MAP3K21: variants seen among roughly 807,000 people sequenced by gnomAD.
The protein encoded by MAP3K21 is mitogen-activated protein kinase kinase kinase MLK4.
A neutral mutation model predicts 86.1 loss-of-function variants in MAP3K21; 63 were observed. That is an observed-to-expected ratio of 0.73 (90% CI 0.60 to 0.90). The LOEUF is 0.90. Among genes scored for constraint, MAP3K21 ranks in the 40% least tolerant of loss-of-function variants. MAP3K21 has a pLI of 0.00. For synonymous variants in MAP3K21, 558 were observed against 564.8 expected (o/e 0.99, Z 0.17); for missense variants, 1,220 against 1,367.7 (o/e 0.89, Z 1.70).
At chr1:233,352,894 G>C (rs1051544770) in intron 2 of MAP3K21, among the ~76,000 whole-genome samples, 1 of 152,372 alleles carries the variant, frequency 6.6e-6, no homozygotes, top group Middle Eastern at 3.4e-3. Flanking sequence ...CTAAGGTACT[G>C]ACTTGGATAG....
chr1:233,338,053 T>C (rs1022545894), intron 1 of MAP3K21, among the ~76,000 whole-genome samples: 1 of 152,250 alleles, frequency 6.6e-6, no homozygotes, highest in African/African-American at 2.4e-5. Flanking sequence ...TATGCTTTAT[T>C]ATGTACCTTG....
intron 2 of MAP3K21, among the ~76,000 whole-genome samples, chr1:233,348,746 CT>C (rs1375292936): frequency 2.6e-5 from 4 of 151,900 alleles, no homozygotes; most frequent in African/African-American, 4.8e-5. Flanking sequence ...TTTGTTATTA[CT>C]TTTTTTTCCC....
intron 1 of MAP3K21, among the ~76,000 whole-genome samples, chr1:233,332,440 G>A (rs1451464479): frequency 3.3e-5 from 5 of 152,096 alleles, no homozygotes; most frequent in Non-Finnish European, 5.9e-5. Flanking sequence ...CCATATTGGA[G>A]GCCTAAGGAG....
intron 4 of MAP3K21, among the ~76,000 whole-genome samples, chr1:233,360,943 G>A (rs1663457143): frequency 6.6e-6 from 1 of 152,246 alleles, no homozygotes; most frequent in Non-Finnish European, 1.5e-5. Context: ...GGCATCTGCA[G>A]TTTCCAACAA....
At chr1:233,339,009 G>T (rs1662966900) in intron 1 of MAP3K21, among the ~76,000 whole-genome samples, 1 of 152,164 alleles carries the variant, frequency 6.6e-6, no homozygotes. Context: ...AGTCCTCGTA[G>T]TCTCCAGTCT....
intron 8 of MAP3K21, among the ~76,000 whole-genome samples, chr1:233,378,500 AC>A (rs1663840875): frequency 6.6e-6 from 1 of 152,214 alleles, no homozygotes; most frequent in Non-Finnish European, 1.5e-5. Context: ...CTGCTACAGA[AC>A]AGTTAGTTTA....
In MAP3K21 at chr1:233,362,173, G is replaced by T; in HGVS notation, c.1432G>T (p.Glu478Ter). Residue 478 changes from glutamate (E) to a stop codon, truncating the protein, a stop_gained, in exon 5 of 10, where the codon GAA becomes TAA. Transcript: ENST00000366624. LOFTEE classifies it high-confidence loss of function. Reference sequence around the variant, plus strand: ...GCGCGAGATCGACGTGCTGGAGCGGGAACTTAACATTCTGATATTCCAGCT... The same window carrying T: ...GCGCGAGATCGACGTGCTGGAGCGGTAACTTAACATTCTGATATTCCAGCT... ...AEREIDVLERELNILIFQLNQ... is the reference protein window; with the variant it reads ...AEREIDVLER 1.2e-6 allele frequency: 2 copies of T among 1,614,200 alleles called. No homozygotes were observed. The highest frequency in any genetic ancestry group is 1.7e-6 in the Non-Finnish European group (2 of 1,180,036).
chr1:233,359,726 T>C (rs544673475), intron 4 of MAP3K21, among the ~76,000 whole-genome samples: 28 of 152,372 alleles, frequency 1.8e-4, no homozygotes, highest in African/African-American at 6.3e-4. Flanking sequence ...GGGATCTGGA[T>C]TTGCCATTAC....
At chr1:233,337,886 A>G (rs1381840340) in intron 1 of MAP3K21, among the ~76,000 whole-genome samples, 1 of 152,200 alleles carries the variant, frequency 6.6e-6, no homozygotes, top group Non-Finnish European at 1.5e-5. Flanking sequence ...GGCATATAGG[A>G]TGTTTGAATT....
Position 233,362,167 on chromosome 1 carries a change from G to C in MAP3K21, c.1426G>C (p.Glu476Gln). 6.2e-7 allele frequency: 1 copy of C among 1,614,220 alleles called. No homozygotes were observed. The highest frequency in any genetic ancestry group is 8.5e-7 in the Non-Finnish European group (1 of 1,180,032). ...QLAEREIDVLERELNILIFQL... is the reference protein window; with the variant it reads ...QLAEREIDVLQRELNILIFQL... ...GGCAGAGCGCGAGATCGACGTGCTG[G>C]AGCGGGAACTTAACATTCTGATATT... The change falls in exon 5 of 10, where the codon GAG (glutamate) becomes CAG (glutamine). Residue 476 changes from glutamate to glutamine, a missense_variant. Physicochemically the swap from Glu to Gln is conservative, Grantham distance 29. This residue lies in a region of MAP3K21 where 632 missense variants were observed against 691.3 expected (regional missense o/e 0.91). Coordinates refer to ENST00000366624, the MANE Select transcript of MAP3K21 (RefSeq NM_032435.3).
chr1:233,335,228 A>G (rs1662890111), intron 1 of MAP3K21, among the ~76,000 whole-genome samples: 1 of 152,088 alleles, frequency 6.6e-6, no homozygotes, highest in Non-Finnish European at 1.5e-5. Context: ...GACCTGGGAG[A>G]GCTGTGATGG....
At chr1:233,378,584 T>C (rs1307596382) in intron 8 of MAP3K21, among the ~76,000 whole-genome samples, 6 of 152,232 alleles carry the variant, frequency 3.9e-5, no homozygotes, top group African/African-American at 1.4e-4. Context: ...GCACATTTGG[T>C]GACATATTTA....
rs1663328491 is a variant in MAP3K21, at chr1:233,355,136, CCTT to C, written c.1311+129_1311+131del. On this transcript the variant is annotated intron_variant, in intron 4 of 9. Transcript: ENST00000366624. ...AGATATCAATATTTGTTGATTCTCA[CCTT>C]CTTTCAGGTTAAAAATAAAACAAAA... 23 of 698,072 alleles carry C rather than the reference CCTT, an allele frequency of 3.3e-5. No homozygotes were observed. In the South Asian group the frequency reaches 5.3e-4, roughly 16 times the overall value. 43.2% of individuals were successfully genotyped at this position (698,072 alleles called of 1,614,324 possible).
chr1:233,377,007 A>G (rs1338986583), intron 8 of MAP3K21, among the ~76,000 whole-genome samples: 2 of 152,142 alleles, frequency 1.3e-5, no homozygotes, highest in African/African-American at 4.8e-5. Flanking sequence ...AGGCAAGAGA[A>G]TCACTTGCAC....
At chr1:233,379,785 A>G in intron 9 of MAP3K21, 75 bp downstream of exon 9, 2 of 1,138,254 alleles carry the variant, frequency 1.8e-6, no homozygotes, top group East Asian at 2.4e-5. Flanking sequence ...TGGATTTATG[A>G]TTTTATCTTT....
rs1046280555 is a variant in MAP3K21 at position 233,383,946 on chromosome 1, A to T, written c.*1235A>T. Reference sequence around the variant, plus strand: ...GAATCACTTTTATGGTCATACATATATGATACAAATCCAGAGTTATTGGTG... The same window carrying T: ...GAATCACTTTTATGGTCATACATATTTGATACAAATCCAGAGTTATTGGTG... On this transcript the variant is annotated 3_prime_UTR_variant, in exon 10 of 10. Coordinates refer to ENST00000366624, the MANE Select transcript of MAP3K21 (RefSeq NM_032435.3). 7 of 152,222 alleles carry T rather than the reference A, an allele frequency of 4.6e-5. No homozygotes were observed. Among genetic ancestry groups the T allele is most frequent in the African/African-American group, 1.7e-4 (7 of 41,464 alleles). 9.4% of individuals were successfully genotyped at this position (152,222 alleles called of 1,614,324 possible).
intron 4 of MAP3K21, 58 bp from the exon 5 acceptor site, chr1:233,361,995 A>G: frequency 6.3e-7 from 1 of 1,580,336 alleles, no homozygotes; most frequent in Non-Finnish European, 8.6e-7. Flanking sequence ...AGTGTAATAG[A>G]CGGAATTCCC....
Position 233,382,549 on chromosome 1 carries a change from C to T in MAP3K21, c.2949C>T (p.Thr983=), listed in dbSNP as rs772374784. 1.2e-6 allele frequency: 2 copies of T among 1,614,108 alleles called. No individual in the cohort carries two copies. Among genetic ancestry groups the T allele is most frequent in the Admixed American group, 3.3e-5 (2 of 60,018 alleles). Residue 983 remains threonine, a synonymous_variant, in exon 10 of 10, where the codon ACC becomes ACT. Transcript: ENST00000366624. ...CVVGRPGPHP[T]QFLAAKERTK... is the part of the protein sequence containing the mutation. ...TGGGTCGCCCAGGACCACATCCCACCCAATTCCTCGCTGCCAAGGAGAGAA... is the reference window on the plus strand; with the variant it reads ...TGGGTCGCCCAGGACCACATCCCACTCAATTCCTCGCTGCCAAGGAGAGAA...
chr1:233,358,283 G>A (rs1054034506), intron 4 of MAP3K21, among the ~76,000 whole-genome samples: 1 of 152,014 alleles, frequency 6.6e-6, no homozygotes, highest in Non-Finnish European at 1.5e-5. Context: ...AGAAAGTGGT[G>A]ACCTTTCACA....
Sources: allele counts gnomAD v4.1 joint callset (sites outside exome capture counted in the v4.1 genomes callset), GRCh38; gene constraint gnomAD v4.1.1; regional missense constraint gnomAD v4.1.1; transcripts MANE v1.5; gene names NCBI Gene and HGNC (gene_info 2026-07-23, HGNC 2026-07-21).